Variants in POU2AF2 observed in about 807,000 individuals in gnomAD.
POU2AF2 encodes POU domain class 2-associating factor 2.
chr11:111,279,911 C>T, the POU2AF2 span, among the ~76,000 whole-genome samples: 7 of 151,326 alleles, frequency 4.6e-5, no homozygotes, highest in East Asian at 7.8e-4. Context: ...TGTGGTGGTG[C>T]GTGCCTGTAA....
chr11:111,268,325 A>G, the POU2AF2 span, among the ~76,000 whole-genome samples: 2 of 152,160 alleles, frequency 1.3e-5, no homozygotes, highest in African/African-American at 4.8e-5. Flanking sequence ...AAAATTTACC[A>G]TAAAAATTAT....
At chr11:111,266,713 T>C in the POU2AF2 span, among the ~76,000 whole-genome samples, 1 of 152,248 alleles carries the variant, frequency 6.6e-6, no homozygotes. Flanking sequence ...ATTTCATTTA[T>C]CTATTTTAAA....
chr11:111,259,893 GAT>G, the POU2AF2 span, among the ~76,000 whole-genome samples: 1 of 152,154 alleles, frequency 6.6e-6, no homozygotes, highest in African/African-American at 2.4e-5. Flanking sequence ...TTTGAATTCA[GAT>G]AATTAAATGC....
the POU2AF2 span, chr11:111,285,535 C>A: frequency 1.9e-6 from 2 of 1,066,434 alleles, no homozygotes; most frequent in Non-Finnish European, 2.6e-6. Flanking sequence ...GAGAGCCAGG[C>A]TTCAGGCAGC....
chr11:111,280,125 C>T, the POU2AF2 span, among the ~76,000 whole-genome samples: 1 of 148,990 alleles, frequency 6.7e-6, no homozygotes, highest in Non-Finnish European at 1.5e-5. Context: ...ATTCCCCAAC[C>T]TCTCCCTGCT....
At chr11:111,280,057 A>AAATATAT in the POU2AF2 span, among the ~76,000 whole-genome samples, 9 of 76,476 alleles carry the variant, frequency 1.2e-4, no homozygotes, top group Admixed American at 3.6e-4. Flanking sequence ...AAAAAAAAAA[A>AAATATAT]ATATATATAT....
chr11:111,272,637 T>C, the POU2AF2 span, among the ~76,000 whole-genome samples: 11 of 152,328 alleles, frequency 7.2e-5, no homozygotes, highest in African/African-American at 2.4e-4. Context: ...ATTTCTATTA[T>C]TGCACCAATT....
the POU2AF2 span, among the ~76,000 whole-genome samples, chr11:111,280,057 A>AAAAAATAT: frequency 5.2e-5 from 4 of 76,498 alleles, no homozygotes; most frequent in African/African-American, 1.0e-4. Flanking sequence ...AAAAAAAAAA[A>AAAAAATAT]ATATATATAT....
At chr11:111,268,021 A>C in the POU2AF2 span, among the ~76,000 whole-genome samples, 2 of 152,196 alleles carry the variant, frequency 1.3e-5, no homozygotes, top group African/African-American at 4.8e-5. Flanking sequence ...GGTGGTGCTA[A>C]ACAACAATGA....
the POU2AF2 span, among the ~76,000 whole-genome samples, chr11:111,246,126 C>A: frequency 6.6e-6 from 1 of 152,176 alleles, no homozygotes. Context: ...GAAAGATCAA[C>A]TCAGTTGAAC....
chr11:111,264,977 G>T, the POU2AF2 span, among the ~76,000 whole-genome samples: 3 of 151,842 alleles, frequency 2.0e-5, 1 homozygote, highest in South Asian at 6.2e-4. Context: ...AGGAAGAAAG[G>T]AAGGGAGGGA....
the POU2AF2 span, among the ~76,000 whole-genome samples, chr11:111,255,797 G>A: frequency 6.6e-6 from 1 of 152,110 alleles, no homozygotes; most frequent in Admixed American, 6.5e-5. Flanking sequence ...GCTTAGATGA[G>A]TCTCTATCAA....
chr11:111,258,448 T>C, the POU2AF2 span, among the ~76,000 whole-genome samples: 13 of 152,154 alleles, frequency 8.5e-5, no homozygotes, highest in Non-Finnish European at 1.9e-4. Flanking sequence ...ATACAAATGA[T>C]AAGGCACTAT....
chr11:111,275,424 G>T, the POU2AF2 span, among the ~76,000 whole-genome samples: 1 of 152,220 alleles, frequency 6.6e-6, no homozygotes, highest in Non-Finnish European at 1.5e-5. Context: ...GAGGACAGGT[G>T]TCCAATTGGC....
At chr11:111,264,577 G>A in the POU2AF2 span, among the ~76,000 whole-genome samples, 5,244 of 22,748 alleles carry the variant, frequency 0.23, 1,012 homozygotes, top group Middle Eastern at 0.43. Context: ...AGAAAGAAAG[G>A]GAGAGAGAAA....
chr11:111,246,493 A>G, the POU2AF2 span, among the ~76,000 whole-genome samples: 1 of 152,238 alleles, frequency 6.6e-6, no homozygotes, highest in Non-Finnish European at 1.5e-5. Context: ...AAAAGTCAGC[A>G]CTTTAAATGT....
At chr11:111,248,728 A>G in the POU2AF2 span, among the ~76,000 whole-genome samples, 2 of 152,198 alleles carry the variant, frequency 1.3e-5, no homozygotes, top group Non-Finnish European at 2.9e-5. Flanking sequence ...AAAAACATTA[A>G]ATAATTTAAA....
chr11:111,274,981 C>T, the POU2AF2 span, among the ~76,000 whole-genome samples: 2 of 152,024 alleles, frequency 1.3e-5, no homozygotes, highest in African/African-American at 4.8e-5. Context: ...CTGGGATGGT[C>T]GTGAGAATTA....
the POU2AF2 span, among the ~76,000 whole-genome samples, chr11:111,273,778 A>C: frequency 2.0e-5 from 3 of 152,144 alleles, no homozygotes; most frequent in Non-Finnish European, 4.4e-5. Context: ...TTGGTGACCT[A>C]TTAGTTCAAA....
Sources: gnomAD v4.1 joint callset for allele counts (sites outside exome capture counted in the v4.1 genomes callset) on GRCh38, gnomAD v4.1.1 for gene constraint, MANE v1.5 for transcripts, NCBI Gene and HGNC (gene_info 2026-07-23, HGNC 2026-07-21) for gene names.